The following COG5 variants were observed in gnomAD, a reference collection of about 807,000 sequenced individuals.
COG5 encodes the protein component of oligomeric golgi complex 5.
In COG5, 86 loss-of-function variants were observed where a neutral mutation model predicts 110.4. That is an observed-to-expected ratio of 0.78 (90% CI 0.65 to 0.93). COG5 has a LOEUF of 0.93. Ranked by LOEUF, COG5 falls within the 40% of genes least tolerant of loss-of-function variation. COG5 has a pLI of 0.00. For synonymous variants in COG5, 360 were observed against 334.6 expected (o/e 1.08, Z -0.83); for missense variants, 1,077 against 987.0 (o/e 1.09, Z -1.22).
chr7:107,234,558 C>T (rs1354996419), intron 18 of COG5, among the ~76,000 whole-genome samples: 1 of 152,170 alleles, frequency 6.6e-6, no homozygotes, highest in East Asian at 1.9e-4. Flanking sequence ...ACAAGCCTCT[C>T]TCCTACAGCA....
intron 7 of COG5, among the ~76,000 whole-genome samples, chr7:107,385,373 T>C (rs932705568): frequency 3.3e-5 from 5 of 152,244 alleles, no homozygotes; most frequent in African/African-American, 9.6e-5. Context: ...AAATTCTTTT[T>C]TACCCTTGTG....
intron 16 of COG5, among the ~76,000 whole-genome samples, chr7:107,255,088 A>T (rs762495918): frequency 3.3e-5 from 5 of 152,166 alleles, no homozygotes; most frequent in African/African-American, 4.8e-5. Flanking sequence ...CACAAAGTAA[A>T]ATGTACTGAT....
At chr7:107,271,091 T>C (rs1804233161) in intron 14 of COG5, among the ~76,000 whole-genome samples, 2 of 151,918 alleles carry the variant, frequency 1.3e-5, no homozygotes, top group Admixed American at 6.6e-5. Flanking sequence ...CTTAAAAAAG[T>C]GTCTTGATTG....
intron 6 of COG5, among the ~76,000 whole-genome samples, chr7:107,479,969 CT>C (rs1385443165): frequency 1.3e-5 from 2 of 151,844 alleles, no homozygotes; most frequent in African/African-American, 4.8e-5. Context: ...CCCTGAATAA[CT>C]TATTATGGGC....
At chr7:107,373,964 C>T (rs939210532) in intron 7 of COG5, among the ~76,000 whole-genome samples, 3 of 152,054 alleles carry the variant, frequency 2.0e-5, no homozygotes, top group African/African-American at 7.2e-5. Context: ...GCAAAGTAGA[C>T]TCAGCTTAAA....
At chr7:107,388,925 C>A (rs1790417038) in intron 7 of COG5, among the ~76,000 whole-genome samples, 1 of 152,182 alleles carries the variant, frequency 6.6e-6, no homozygotes, top group Admixed American at 6.5e-5. Context: ...TCAAATGTCA[C>A]CTGATGCTGA....
intron 1 of COG5, 71 bp from the exon 2 acceptor site, chr7:107,558,186 AATT>A (rs1292605587): frequency 2.7e-6 from 4 of 1,463,942 alleles, no homozygotes; most frequent in Non-Finnish European, 3.8e-6. Flanking sequence ...ACAACAGAAC[AATT>A]ATAATCATAA....
chr7:107,282,661 A>T (rs1805277638), intron 13 of COG5, among the ~76,000 whole-genome samples: 1 of 152,096 alleles, frequency 6.6e-6, no homozygotes, highest in South Asian at 2.1e-4. Context: ...AGCTGGGGTT[A>T]CAAGCGTGCA....
intron 6 of COG5, among the ~76,000 whole-genome samples, chr7:107,422,671 AG>A (rs1793375978): frequency 6.6e-6 from 1 of 151,598 alleles, no homozygotes; most frequent in Non-Finnish European, 1.5e-5. Context: ...GTGTTCTCTA[AG>A]GTTTCTTTAA....
At chr7:107,360,906 C>A (rs185519390) in intron 10 of COG5, among the ~76,000 whole-genome samples, 1 of 152,154 alleles carries the variant, frequency 6.6e-6, no homozygotes, top group Non-Finnish European at 1.5e-5. Context: ...CGGGCATGAG[C>A]GATATTCAGG....
At chr7:107,388,585 A>G (rs1382946051) in intron 7 of COG5, among the ~76,000 whole-genome samples, 1 of 152,232 alleles carries the variant, frequency 6.6e-6, no homozygotes, top group Non-Finnish European at 1.5e-5. Context: ...CTATTGGCAC[A>G]AGCCTTATTT....
intron 17 of COG5, among the ~76,000 whole-genome samples, chr7:107,246,779 A>T (rs1802090664): frequency 6.6e-6 from 1 of 152,170 alleles, no homozygotes; most frequent in Admixed American, 6.5e-5. Flanking sequence ...TGGGAGTGTA[A>T]ATTAGTTCAA....
At chr7:107,223,717 C>T (rs1800118838) in intron 19 of COG5, among the ~76,000 whole-genome samples, 1 of 152,156 alleles carries the variant, frequency 6.6e-6, no homozygotes, top group South Asian at 2.1e-4. Context: ...CAAACAGAAA[C>T]TTCTGGAATA....
At chr7:107,391,260 C>T (rs1475220755) in intron 7 of COG5, among the ~76,000 whole-genome samples, 4 of 152,108 alleles carry the variant, frequency 2.6e-5, no homozygotes, top group Non-Finnish European at 5.9e-5. Context: ...CTGCCTGGAC[C>T]CTCAGCAGAC....
intron 2 of COG5, among the ~76,000 whole-genome samples, chr7:107,555,514 T>A (rs1001522351): frequency 5.9e-5 from 9 of 152,228 alleles, no homozygotes; most frequent in Non-Finnish European, 1.0e-4. Flanking sequence ...ATTCGTAAGG[T>A]TGCCAGAAGA....
At chr7:107,220,137 G>A (rs1799810717) in intron 19 of COG5, among the ~76,000 whole-genome samples, 1 of 152,124 alleles carries the variant, frequency 6.6e-6, no homozygotes. Context: ...ATCAGCTGTA[G>A]CAACTACTCA....
In COG5 at chr7:107,297,823, G is replaced by A. The variant is rs184606735; in HGVS notation, c.1313+319C>T. On this transcript the variant is annotated intron_variant, in intron 12 of 21. Transcript: ENST00000297135. Reference sequence around the variant, plus strand: ...GGTCCATCAATAAATGATACTGTCTGAGGTAATTACAGGTATATTATAACA... The same window carrying A: ...GGTCCATCAATAAATGATACTGTCTAAGGTAATTACAGGTATATTATAACA... Among the ~76,000 whole-genome samples, 240 of 152,142 alleles carry A rather than the reference G, an allele frequency of 1.6e-3. 3 individuals carry two copies. The highest frequency in any genetic ancestry group is 5.0e-4 in the Non-Finnish European group (34 of 67,988).
At chr7:107,263,782 CT>C (rs1233664473) in intron 14 of COG5, among the ~76,000 whole-genome samples, 5 of 152,148 alleles carry the variant, frequency 3.3e-5, no homozygotes, top group African/African-American at 1.2e-4. Context: ...TGAGAAACAA[CT>C]GATGAGACTA....
In COG5 at chr7:107,339,597, T is replaced by A. The variant is rs931792824; in HGVS notation, c.1027-15076A>T. Among the ~76,000 whole-genome samples the A allele has an allele frequency of 3.3e-5, 5 of 151,960 alleles. No homozygotes were observed. In the South Asian group the frequency reaches 1.0e-3, roughly 31 times the overall value. ...GTTCCCATCTGCACCCAGAACAAAC[T>A]CCAAGATTCATCACATGCTATGCCA... On this transcript the variant is annotated intron_variant, in intron 10 of 21. Transcript: ENST00000297135.
Sources: allele counts gnomAD v4.1 joint callset (sites outside exome capture counted in the v4.1 genomes callset), GRCh38; gene constraint gnomAD v4.1.1; transcripts MANE v1.5; gene names NCBI Gene and HGNC (gene_info 2026-07-23, HGNC 2026-07-21).